Variants in PDE3A observed in about 807,000 individuals in gnomAD.
The protein encoded by PDE3A is cGMP-inhibited 3',5'-cyclic phosphodiesterase 3A.
A neutral mutation model predicts 98.3 loss-of-function variants in PDE3A; 43 were observed. The observed-to-expected ratio is 0.44, with a 90% CI of 0.34 to 0.56. The LOEUF is 0.56. Ranked by LOEUF, PDE3A falls within the 20% of genes least tolerant of loss-of-function variation. The pLI is 0.01. For missense variants in PDE3A, 1,427 were observed against 1,440.7 expected (o/e 0.99, Z 0.15); for synonymous variants, 663 against 567.9 (o/e 1.17, Z -2.38).
chr12:20,411,593 C>A (rs2120710854), intron 1 of PDE3A, among the ~76,000 whole-genome samples: 1 of 152,174 alleles, frequency 6.6e-6, no homozygotes. Flanking sequence ...ACCTGCGCTA[C>A]TGAAATAATG....
At chr12:20,585,417 A>T (rs1370192079) in intron 2 of PDE3A, among the ~76,000 whole-genome samples, 1 of 152,320 alleles carries the variant, frequency 6.6e-6, no homozygotes, top group Admixed American at 6.5e-5. Context: ...ACAATAGGTT[A>T]TTCATTTTCT....
chr12:20,453,335 G>A (rs1056948600), intron 1 of PDE3A, among the ~76,000 whole-genome samples: 2 of 151,796 alleles, frequency 1.3e-5, no homozygotes, highest in African/African-American at 4.8e-5. Flanking sequence ...CATCATGCCC[G>A]GCTAATTTTT....
chr12:20,682,896 A>G lies in PDE3A; in HGVS notation c.*2625A>G, dbSNP rs1945832556. 6.6e-6 allele frequency: 1 copy of G among 152,184 alleles called. No homozygotes were observed. The highest frequency in any genetic ancestry group is 2.1e-4 in the South Asian group (1 of 4,828). The allele number at this position is 152,184 out of a possible 1,614,324, so 9.4% of individuals were successfully genotyped here. ...GACAGTTGGAAGTCCATCACAGTCT[A>G]TTGACAGTTTCATCAAAGCTGTATA... On this transcript the variant is annotated 3_prime_UTR_variant, in exon 16 of 16. Coordinates refer to ENST00000359062, the MANE Select transcript of PDE3A (RefSeq NM_000921.5).
chr12:20,586,854 C>T (rs1943208768), intron 2 of PDE3A, among the ~76,000 whole-genome samples: 1 of 152,126 alleles, frequency 6.6e-6, no homozygotes, highest in Admixed American at 6.5e-5. Flanking sequence ...AAATCTTTTG[C>T]ACTGATAGTG....
intron 15 of PDE3A, among the ~76,000 whole-genome samples, chr12:20,665,987 C>A (rs117847456): frequency 7.5e-6 from 1 of 134,134 alleles, no homozygotes; most frequent in Non-Finnish European, 1.6e-5. Flanking sequence ...TTTTTGAGAC[C>A]GAGTCTCAGT....
chr12:20,661,019 T>G (rs1945157084), intron 15 of PDE3A, among the ~76,000 whole-genome samples: 1 of 152,170 alleles, frequency 6.6e-6, no homozygotes, highest in Non-Finnish European at 1.5e-5. Flanking sequence ...TCTAGAGACT[T>G]GTTGAATGGC....
At chr12:20,659,833 CT>C (rs1945121365) in intron 15 of PDE3A, among the ~76,000 whole-genome samples, 1 of 152,192 alleles carries the variant, frequency 6.6e-6, no homozygotes. Flanking sequence ...CTTATCAATA[CT>C]TCATCATTTA....
chr12:20,495,005 G>A (rs985001081), intron 1 of PDE3A, among the ~76,000 whole-genome samples: 8 of 152,078 alleles, frequency 5.3e-5, no homozygotes, highest in East Asian at 3.9e-4. Context: ...TAAAGAAACC[G>A]ATTCTGAATC....
At chr12:20,671,495 T>C (rs1339866857) in intron 15 of PDE3A, among the ~76,000 whole-genome samples, 2 of 151,840 alleles carry the variant, frequency 1.3e-5, no homozygotes, top group East Asian at 3.9e-4. Context: ...AAAAAGCTTA[T>C]CCACAATGAT....
At chr12:20,371,878 T>C (rs1453537858) in intron 1 of PDE3A, among the ~76,000 whole-genome samples, 1 of 152,174 alleles carries the variant, frequency 6.6e-6, no homozygotes, top group Non-Finnish European at 1.5e-5. Context: ...ACCACCGCTT[T>C]AAGTATGTTC....
intron 6 of PDE3A, among the ~76,000 whole-genome samples, chr12:20,630,664 A>T (rs902685122): frequency 1.3e-5 from 2 of 152,188 alleles, no homozygotes; most frequent in Non-Finnish European, 2.9e-5. Flanking sequence ...ACAAAATTAC[A>T]AAGTGTTATC....
intron 3 of PDE3A, among the ~76,000 whole-genome samples, chr12:20,614,419 T>TTA (rs1943949003): frequency 6.6e-6 from 1 of 151,716 alleles, no homozygotes; most frequent in African/African-American, 2.4e-5. Context: ...GCACAGTTAT[T>TTA]TATTTAGTAA....
At chr12:20,386,596 C>T (rs1046419936) in intron 1 of PDE3A, among the ~76,000 whole-genome samples, 1 of 151,910 alleles carries the variant, frequency 6.6e-6, no homozygotes, top group Non-Finnish European at 1.5e-5. Context: ...CTGCCTTGGC[C>T]TCCCAAAATG....
chr12:20,373,800 T>G (rs1389342955), intron 1 of PDE3A, among the ~76,000 whole-genome samples: 1 of 152,106 alleles, frequency 6.6e-6, no homozygotes, highest in East Asian at 1.9e-4. Context: ...ACCACTGATG[T>G]GAGAAAGACA....
At chr12:20,421,740 G>A (rs1944515273) in intron 1 of PDE3A, among the ~76,000 whole-genome samples, 1 of 152,152 alleles carries the variant, frequency 6.6e-6, no homozygotes. Context: ...GTGTTCCTGA[G>A]AGTGGTATTC....
chr12:20,410,527 T>A (rs1004180751), intron 1 of PDE3A, among the ~76,000 whole-genome samples: 1 of 152,190 alleles, frequency 6.6e-6, no homozygotes, highest in Non-Finnish European at 1.5e-5. Flanking sequence ...ATCCTGCCCT[T>A]TGTTCTAGAA....
chr12:20,644,734 T>A (rs73082620), intron 10 of PDE3A, among the ~76,000 whole-genome samples: 12,034 of 152,112 alleles, frequency 0.079, 596 homozygotes, highest in Middle Eastern at 0.14. Flanking sequence ...AAGTACCATA[T>A]AATATTATTA....
rs1943436137 is a variant in PDE3A, at chr12:20,370,022, G to C, written c.738G>C (p.Val246=). The stretch of plus-strand genomic sequence containing the variant: ...CTTACCTGGCGTACCTGGCCGGCGT[G>C]CTGGGGATCCTCTTGGCCAGGTACG... The part of the protein sequence containing the change: ...WRPYLAYLAG[V]LGILLARYVE... Residue 246 remains valine (V), a synonymous_variant, in exon 1 of 16, where the codon GTG becomes GTC. Coordinates refer to ENST00000359062, the MANE Select transcript of PDE3A (RefSeq NM_000921.5). The C allele has an allele frequency of 1.9e-6, 3 of 1,613,018 alleles. No individual in the cohort carries two copies. In the African/African-American group the frequency reaches 4.0e-5, roughly 21 times the overall value.
chr12:20,374,229 A>T lies in PDE3A; in HGVS notation c.960+3985A>T, dbSNP rs73250155. 3.5e-3 allele frequency among the ~76,000 whole-genome samples: 530 copies of T among 152,258 alleles called. 2 individuals are homozygous for T. The highest frequency in any genetic ancestry group is 0.012 in the African/African-American group (499 of 41,570). On this transcript the variant is annotated intron_variant, in intron 1 of 15. Coordinates refer to ENST00000359062, the MANE Select transcript of PDE3A (RefSeq NM_000921.5). ...TTTTTTGTGTGTCGGGGGGACAAAA[A>T]TTGTAATTTTACTTTGTGAATACAG...
Sources: gnomAD v4.1 joint callset for allele counts (sites outside exome capture counted in the v4.1 genomes callset) on GRCh38, gnomAD v4.1.1 for gene constraint, MANE v1.5 for transcripts, NCBI Gene and HGNC (gene_info 2026-07-23, HGNC 2026-07-21) for gene names.